CEP350: variants seen among roughly 807,000 people sequenced by gnomAD.
CEP350 encodes centrosome-associated protein 350.
CEP350 carries 126 observed loss-of-function variants against 331.8 expected under a neutral mutation model. The ratio of observed to expected loss-of-function variants is 0.38; its 90% CI spans 0.33 to 0.44. The LOEUF is 0.44. Among genes scored for constraint, CEP350 ranks in the 20% least tolerant of loss-of-function variants. The pLI is 1.00. For missense variants in CEP350, 3,406 were observed against 3,634.6 expected (o/e 0.94, Z 1.62); for synonymous variants, 1,200 against 1,259.5 (o/e 0.95, Z 1.00).
intron 1 of CEP350, among the ~76,000 whole-genome samples, chr1:179,968,288 G>A (rs545400942): frequency 2.7e-4 from 40 of 148,130 alleles, no homozygotes; most frequent in African/African-American, 9.0e-4. Flanking sequence ...CCGAGATTGC[G>A]CCACTGCACT....
At chr1:180,081,485 ATT>A in intron 30 of CEP350, among the ~76,000 whole-genome samples, 1 of 152,326 alleles carries the variant, frequency 6.6e-6, no homozygotes, top group East Asian at 1.9e-4. Context: ...AAACATCTTT[ATT>A]TAAAGATTTA....
At chr1:180,010,673 C>T (rs533453202) in intron 8 of CEP350, among the ~76,000 whole-genome samples, 5 of 151,580 alleles carry the variant, frequency 3.3e-5, no homozygotes, top group South Asian at 4.2e-4. Flanking sequence ...ATGATCATAG[C>T]GGACTGCATC....
intron 1 of CEP350, chr1:179,969,024 A>G (rs1466416866): frequency 2.7e-6 from 2 of 750,364 alleles, no homozygotes; most frequent in Non-Finnish European, 4.9e-6. Flanking sequence ...TGGTTTGACC[A>G]CCAGCCTCAA....
intron 17 of CEP350, among the ~76,000 whole-genome samples, chr1:180,040,887 G>GGAC (rs1656718513): frequency 6.6e-6 from 1 of 151,992 alleles, no homozygotes; most frequent in Non-Finnish European, 1.5e-5. Flanking sequence ...TGGCTTTTTG[G>GGAC]TATTAATTCT....
chr1:179,991,278 A>AC (rs1279689573), intron 4 of CEP350, among the ~76,000 whole-genome samples: 1 of 136,724 alleles, frequency 7.3e-6, no homozygotes, highest in Admixed American at 7.1e-5. Context: ...TTCTTGGGTT[A>AC]CCTTTTGTAT....
chr1:180,042,975 T>C, intron 19 of CEP350, 81 bp from the exon 20 acceptor site: 2 of 1,467,854 alleles, frequency 1.4e-6, no homozygotes, highest in Non-Finnish European at 1.8e-6. Context: ...TGATCTTTCT[T>C]TCCAAGACAC....
chr1:180,052,770 C>T (rs1657594606), intron 22 of CEP350, among the ~76,000 whole-genome samples, 200 bp from the exon 23 acceptor site: 1 of 151,916 alleles, frequency 6.6e-6, no homozygotes, highest in South Asian at 2.1e-4. Context: ...ATGTCTTAAC[C>T]TAATATTTCT....
intron 1 of CEP350, among the ~76,000 whole-genome samples, chr1:179,964,761 T>G (rs1460370631): frequency 3.3e-5 from 5 of 150,936 alleles, no homozygotes; most frequent in Admixed American, 6.6e-5. Context: ...CTTAGGATCT[T>G]CTCACTTTTT....
chr1:179,974,083 G>A (rs2148611329), intron 1 of CEP350, among the ~76,000 whole-genome samples: 1 of 96,696 alleles, frequency 1.0e-5, no homozygotes, highest in East Asian at 3.9e-4. Context: ...TTGTTTGTTT[G>A]TTTTGTTTTG....
At chr1:180,017,307 C>T (rs1027466698) in intron 11 of CEP350, among the ~76,000 whole-genome samples, 2 of 152,140 alleles carry the variant, frequency 1.3e-5, no homozygotes, top group Non-Finnish European at 1.5e-5. Flanking sequence ...AAATACATTT[C>T]AAACTTTAAG....
At chr1:180,087,752 T>C (rs773785216) in intron 32 of CEP350, 35 bp downstream of exon 32, 1 of 1,432,642 alleles carries the variant, frequency 7.0e-7, no homozygotes. Flanking sequence ...GTATTCTGCC[T>C]TGTTTGAAAA....
intron 30 of CEP350, among the ~76,000 whole-genome samples, chr1:180,081,658 T>C (rs979684572): frequency 6.6e-6 from 1 of 152,206 alleles, no homozygotes. Flanking sequence ...TGGTATAGCC[T>C]CTTGCTCCTA....
chr1:180,053,970 A>C (rs1657661256), intron 24 of CEP350, 36 bp downstream of exon 24: 1 of 1,424,678 alleles, frequency 7.0e-7, no homozygotes, highest in Non-Finnish European at 9.4e-7. Context: ...TAATTTCTTC[A>C]TTCATAAAAT....
chr1:180,054,393 C>T (rs1278054287), intron 24 of CEP350, 22 bp from the exon 25 acceptor site: 1 of 1,530,856 alleles, frequency 6.5e-7, no homozygotes, highest in Non-Finnish European at 8.9e-7. Context: ...ATCTTTGTCT[C>T]AATGAAAAAT....
chr1:180,023,754 T>C (rs1312089701), intron 13 of CEP350, among the ~76,000 whole-genome samples: 2 of 152,218 alleles, frequency 1.3e-5, no homozygotes, highest in South Asian at 2.1e-4. Context: ...TCAGACTTCG[T>C]TGGAGAGAAT....
chr1:180,048,472 C>T (rs1657273467), intron 21 of CEP350, 64 bp from the exon 22 acceptor site: 1 of 1,073,716 alleles, frequency 9.3e-7, no homozygotes, highest in African/African-American at 1.6e-5. Flanking sequence ...AATAAGTTTA[C>T]TTTGAAGCTA....
chr1:180,105,361 G>A (rs368441644), intron 37 of CEP350, among the ~76,000 whole-genome samples: 5 of 151,870 alleles, frequency 3.3e-5, no homozygotes, highest in Admixed American at 1.3e-4. Context: ...CTTTGACTAC[G>A]ATCTGTATGT....
chr1:180,046,296 T>G (rs1005582768), intron 21 of CEP350, among the ~76,000 whole-genome samples: 1 of 152,228 alleles, frequency 6.6e-6, no homozygotes, highest in African/African-American at 2.4e-5. Flanking sequence ...CTCTATGGAT[T>G]TGCCTATTCT....
intron 19 of CEP350, among the ~76,000 whole-genome samples, chr1:180,042,447 T>C (rs548007316): frequency 2.0e-5 from 3 of 152,366 alleles, no homozygotes; most frequent in South Asian, 2.1e-4. Context: ...AAGTTAGTAC[T>C]ATTTGTAAAA....
Sources: gnomAD v4.1 joint callset for allele counts (sites outside exome capture counted in the v4.1 genomes callset) on GRCh38, gnomAD v4.1.1 for gene constraint, MANE v1.5 for transcripts, NCBI Gene and HGNC (gene_info 2026-07-23, HGNC 2026-07-21) for gene names.